PTK2: variants seen among roughly 807,000 people sequenced by gnomAD.
PTK2 encodes the protein focal adhesion kinase 1.
A neutral mutation model predicts 150.1 loss-of-function variants in PTK2; 45 were observed. The ratio of observed to expected loss-of-function variants is 0.30; its 90% CI spans 0.24 to 0.38. The LOEUF is 0.38. Ranked by LOEUF, PTK2 falls within the 10% of genes least tolerant of loss-of-function variation. PTK2 has a pLI of 1.00. For missense variants in PTK2, 919 were observed against 1,307.3 expected (o/e 0.70, Z 4.58); for synonymous variants, 432 against 449.2 (o/e 0.96, Z 0.48).
Position 140,879,251 on chromosome 8 carries a change from G to A in PTK2, c.362+220C>T, listed in dbSNP as rs1031936867. 26 of 411,178 alleles carry A rather than the reference G, an allele frequency of 6.3e-5. No individual in the cohort carries two copies. In the East Asian group the frequency reaches 6.7e-4, roughly 11 times the overall value. The allele number at this position is 411,178 out of a possible 1,614,324, so 25.5% of individuals were successfully genotyped here. A position where few individuals can be genotyped will look rare whatever the true frequency, so the allele number is the denominator to read the frequency against. On this transcript the variant is annotated intron_variant, in intron 4 of 31. Coordinates refer to ENST00000522684, the Ensembl canonical transcript of PTK2. ...CTAGCAAAAGACCATCACAGAAAAC[G>A]GAAATCAGATGGCTCAAAGTATAAT...
At chr8:140,672,656 G>A (rs1312413631) in intron 29 of PTK2, among the ~76,000 whole-genome samples, 5 of 152,192 alleles carry the variant, frequency 3.3e-5, no homozygotes, top group Admixed American at 3.3e-4. Context: ...CCTCCTCAAT[G>A]AACACTGGCA....
At position 140,776,065 on chromosome 8, in the gene PTK2, C is replaced by T. The variant is rs368979594; in HGVS notation, c.1178-11775G>A. Among the ~76,000 whole-genome samples, 74 of 152,248 alleles carry T rather than the reference C, an allele frequency of 4.9e-4. 1 individual carries two copies. The highest frequency in any genetic ancestry group is 9.6e-4 in the Non-Finnish European group (65 of 68,020). ...GTCCATCCAGGCTGGAGTGCAGTGG[C>T]GTGATCTTGCTTACTATAACCTCCG... On this transcript the variant is annotated intron_variant, in intron 14 of 31. Transcript: ENST00000522684.
intron 2 of PTK2, among the ~76,000 whole-genome samples, chr8:140,911,924 C>G (rs973699309): frequency 6.6e-6 from 1 of 152,064 alleles, no homozygotes; most frequent in African/African-American, 2.4e-5. Flanking sequence ...AAAGTATTAT[C>G]AAATTTAGCT....
At chr8:140,706,796 T>G (rs773190988) in intron 23 of PTK2, among the ~76,000 whole-genome samples, 52 of 152,098 alleles carry the variant, frequency 3.4e-4, no homozygotes, top group Non-Finnish European at 6.0e-4. Flanking sequence ...CTCAGGAGGC[T>G]AAAGTGAGAG....
In PTK2 at chr8:140,827,462, G is replaced by A. The variant is rs372553115; in HGVS notation, c.648+3010C>T. 5.9e-5 allele frequency among the ~76,000 whole-genome samples: 9 copies of A among 152,260 alleles called. No homozygotes were observed. In the East Asian group the frequency reaches 1.4e-3, roughly 23 times the overall value. On this transcript the variant is annotated intron_variant, in intron 8 of 31. Coordinates refer to ENST00000522684, the Ensembl canonical transcript of PTK2. ...ACATGGGCATCAGCAGCAAAGGCCAGGGCAATGGAAGCCTAAACGATAGCC... is the reference window on the plus strand; with the variant it reads ...ACATGGGCATCAGCAGCAAAGGCCAAGGCAATGGAAGCCTAAACGATAGCC...
At chr8:140,889,520 T>C (rs1046896568) in intron 3 of PTK2, among the ~76,000 whole-genome samples, 6 of 152,072 alleles carry the variant, frequency 3.9e-5, no homozygotes, top group African/African-American at 4.8e-5. Context: ...TGGACCACCA[T>C]GCCCGACCTG....
chr8:140,911,364 C>T (rs186258838), intron 2 of PTK2, among the ~76,000 whole-genome samples: 1 of 152,162 alleles, frequency 6.6e-6, no homozygotes, highest in East Asian at 1.9e-4. Context: ...TCTTTTCAAT[C>T]TTACATTTTA....
At chr8:140,930,567 T>TA (rs1231442329) in intron 1 of PTK2, among the ~76,000 whole-genome samples, 1 of 152,226 alleles carries the variant, frequency 6.6e-6, no homozygotes, top group African/African-American at 2.4e-5. Context: ...GTTATATTTT[T>TA]ACTATTCTGT....
intron 29 of PTK2, among the ~76,000 whole-genome samples, chr8:140,670,944 G>A (rs1377445508): frequency 6.6e-6 from 1 of 152,202 alleles, no homozygotes; most frequent in East Asian, 1.9e-4. Context: ...GAGGGGCACT[G>A]TCATAATGCT....
At chr8:140,667,282 C>T (rs563832655) in intron 30 of PTK2, among the ~76,000 whole-genome samples, 1 of 152,102 alleles carries the variant, frequency 6.6e-6, no homozygotes, top group South Asian at 2.1e-4. Context: ...GTGTATTTTA[C>T]TATAGTGAAA....
chr8:140,926,268 A>G (rs1471185633), intron 1 of PTK2, among the ~76,000 whole-genome samples: 3 of 152,254 alleles, frequency 2.0e-5, no homozygotes, highest in African/African-American at 7.2e-5. Context: ...AGGAACAGAG[A>G]AATTAAGTAA....
chr8:140,717,503 T>A, intron 23 of PTK2, 95 bp downstream of exon 26: 1 of 916,998 alleles, frequency 1.1e-6, no homozygotes, highest in Non-Finnish European at 1.8e-6. Context: ...AATAACCTGA[T>A]ATTTGACTTT....
chr8:140,668,131 G>A (rs868124957), intron 30 of PTK2, 138 bp downstream of exon 34: 12 of 955,404 alleles, frequency 1.3e-5, no homozygotes, highest in Middle Eastern at 5.1e-4. Context: ...TCACTGTATG[G>A]TGCTTTCGTG....
chr8:140,990,719 T>C (rs957028742), intron 1 of PTK2, among the ~76,000 whole-genome samples: 28 of 152,206 alleles, frequency 1.8e-4, no homozygotes, highest in African/African-American at 6.3e-4. Flanking sequence ...ATCCCTACTC[T>C]TCTTCTCTAT....
intron 30 of PTK2, 94 bp from the exon 35 acceptor site, chr8:140,665,091 T>C (rs2089027830): frequency 6.1e-6 from 7 of 1,152,866 alleles, no homozygotes; most frequent in Non-Finnish European, 8.6e-6. Context: ...TCCACAAGTT[T>C]CAAGGCAAAT....
At chr8:140,846,227 T>C (rs1179625898) in intron 7 of PTK2, 33 bp downstream of exon 7, 1 of 1,504,500 alleles carries the variant, frequency 6.6e-7, no homozygotes, top group Non-Finnish European at 9.1e-7. Flanking sequence ...GTTCTGCATA[T>C]TTGCAGGTAT....
Position 140,751,781 on chromosome 8 carries a change from C to T in PTK2, c.1417+451G>A, listed in dbSNP as rs146180835. The T allele has an allele frequency of 2.1e-3, 787 of 379,018 alleles. 4 individuals are homozygous for T. The highest frequency in any genetic ancestry group is 0.015 in the African/African-American group (726 of 47,858). The allele number at this position is 379,018 out of a possible 1,614,324, so 23.5% of individuals were successfully genotyped here. ...TGCTAGGATTACAAGCGTGAGCTAC[C>T]GTGCCCAGCCTGGGTGATTTGTTCT... On this transcript the variant is annotated intron_variant, in intron 17 of 31. Transcript: ENST00000522684.
intron 1 of PTK2, among the ~76,000 whole-genome samples, chr8:140,942,848 A>C (rs1287662015): frequency 6.6e-6 from 1 of 152,124 alleles, no homozygotes; most frequent in East Asian, 1.9e-4. Context: ...GCCTGGTAGG[A>C]GGTGTTTGGA....
chr8:140,702,301 T>C (rs1266787517), intron 25 of PTK2, among the ~76,000 whole-genome samples: 4 of 149,514 alleles, frequency 2.7e-5, no homozygotes, highest in African/African-American at 9.9e-5. Flanking sequence ...CTCACTGCAG[T>C]CTCGACTTCC....
Sources: allele counts gnomAD v4.1 joint callset (sites outside exome capture counted in the v4.1 genomes callset), GRCh38; gene constraint gnomAD v4.1.1; transcripts MANE v1.5; gene names NCBI Gene and HGNC (gene_info 2026-07-23, HGNC 2026-07-21).